The following NOTCH2 variants were observed in gnomAD, a reference collection of about 807,000 sequenced individuals.
NOTCH2 encodes notch receptor 2.
A neutral mutation model predicts 235.8 loss-of-function variants in NOTCH2; 29 were observed. The observed-to-expected ratio is 0.12, with a 90% CI of 0.09 to 0.17. The LOEUF is 0.17. NOTCH2 is among the 10% of genes least tolerant of loss of function. NOTCH2 has a pLI of 1.00. For missense variants in NOTCH2, 2,285 were observed against 3,150.2 expected (o/e 0.73, Z 6.57); for synonymous variants, 1,086 against 1,141.5 (o/e 0.95, Z 0.98).
chr1:119,947,436 T>A (rs587635380), intron 17 of NOTCH2, among the ~76,000 whole-genome samples: 1 of 152,110 alleles, frequency 6.6e-6, no homozygotes. Context: ...GCAGAGAGAA[T>A]AATACAAATT....
At position 119,912,957 on chromosome 1, in the gene NOTCH2, C is replaced by T; in HGVS notation, c.*2349G>A. On this transcript the variant is annotated 3_prime_UTR_variant, in exon 34 of 34. Transcript: ENST00000256646. Reference sequence around the variant, plus strand: ...AAGAAAAAGAAACAAGCAATTTGGTCTGACATTGTGCTTAAGGAAAAGGGA... The same window carrying T: ...AAGAAAAAGAAACAAGCAATTTGGTTTGACATTGTGCTTAAGGAAAAGGGA... The T allele has an allele frequency of 4.3e-6, 1 of 233,558 alleles. No individual in the cohort carries two copies. Among genetic ancestry groups the T allele is most frequent in the Non-Finnish European group, 8.5e-6 (1 of 118,006 alleles). 14.5% of individuals were successfully genotyped at this position (233,558 alleles called of 1,614,324 possible).
At chr1:120,000,074 C>T (rs1652687179) in intron 3 of NOTCH2, among the ~76,000 whole-genome samples, 4 of 151,806 alleles carry the variant, frequency 2.6e-5, no homozygotes, top group Admixed American at 2.0e-4. Flanking sequence ...ATTTGGTTTC[C>T]ATATATATTA....
chr1:119,923,650 G>C lies in NOTCH2; in HGVS notation c.4846C>G (p.Gln1616Glu), dbSNP rs1649362414. 2.5e-6 allele frequency: 4 copies of C among 1,614,054 alleles called. No homozygotes were observed. The highest frequency in any genetic ancestry group is 1.7e-4 in the Middle Eastern group (1 of 5,992). ...TRRSLPGEQE[Q>E]EVAGSKVFLE... The stretch of plus-strand genomic sequence containing the variant: ...CCAAACACCTACCCAGCCACCTCCT[G>C]TTCTTGTTCACCAGGAAGGGATCTG... The change falls in exon 26 of 34, where the codon CAG becomes GAG. Residue 1616 changes from glutamine to glutamate, a missense_variant. By Grantham distance (29) the Gln-to-Glu change is conservative. This residue lies in a region of NOTCH2 where 1,173 missense variants were observed against 1,515.3 expected (regional missense o/e 0.77). Transcript: ENST00000256646.
intron 20 of NOTCH2, 121 bp downstream of exon 20, chr1:119,937,736 C>T: frequency 8.9e-7 from 1 of 1,120,552 alleles, no homozygotes. Flanking sequence ...CCCCAGAGCC[C>T]TGCCCACCCA....
chr1:120,066,156 T>C (rs1460919768), intron 1 of NOTCH2, among the ~76,000 whole-genome samples: 1 of 152,210 alleles, frequency 6.6e-6, no homozygotes, highest in Non-Finnish European at 1.5e-5. Flanking sequence ...ATATTCTATA[T>C]CTCTTACGTT....
At chr1:120,036,878 AC>A (rs1430527508) in intron 1 of NOTCH2, among the ~76,000 whole-genome samples, 2 of 152,116 alleles carry the variant, frequency 1.3e-5, no homozygotes, top group African/African-American at 4.8e-5. Flanking sequence ...CTAGGCATTT[AC>A]CTAAGTTTTC....
At chr1:119,959,264 G>C (rs587766191) in intron 12 of NOTCH2, 128 bp downstream of exon 12, 5 of 699,344 alleles carry the variant, frequency 7.1e-6, no homozygotes, top group East Asian at 2.7e-5. Flanking sequence ...GAGAAGCAGA[G>C]AAACAGACTA....
intron 11 of NOTCH2, among the ~76,000 whole-genome samples, chr1:119,962,446 T>C (rs1175864999): frequency 6.6e-6 from 1 of 152,150 alleles, no homozygotes; most frequent in Non-Finnish European, 1.5e-5. Flanking sequence ...TTTTAGTGAG[T>C]TATCTAAATG....
chr1:119,966,560 T>G, intron 8 of NOTCH2, 71 bp from the exon 9 acceptor site: 2 of 1,054,548 alleles, frequency 1.9e-6, no homozygotes, highest in South Asian at 2.5e-5. Flanking sequence ...AAGCACAAAT[T>G]TGCAATGATA....
Position 120,028,826 on chromosome 1 carries a change from AT to A in NOTCH2, c.155+1079del, listed in dbSNP as rs199631935. On this transcript the variant is annotated intron_variant, in intron 2 of 33. Coordinates refer to ENST00000256646, the MANE Select transcript of NOTCH2 (RefSeq NM_024408.4). The stretch of plus-strand genomic sequence containing the variant: ...AAGAAGAGAAATTTCATATTACCAA[AT>A]TTTATTTCTCCAGCATCTTCCCTGA... Among the ~76,000 whole-genome samples the A allele has an allele frequency of 1.6e-3, 240 of 148,372 alleles. 3 individuals are homozygous for A. The East Asian group carries it at 0.033, about 21-fold the overall frequency.
In NOTCH2 at chr1:119,959,451, T is replaced by C; in HGVS notation, c.1967A>G (p.His656Arg). 1 of 1,612,440 alleles carries C rather than the reference T, an allele frequency of 6.2e-7. No individual in the cohort carries two copies. The highest frequency in any genetic ancestry group is 8.5e-7 in the Non-Finnish European group (1 of 1,178,510). ...FDDCASNPCI[H>R]GICMDGINRY... ...ATTAATGCCATCCATACAGATTCCA[T>C]GGATACAAGGGTTACTTGCACAGTC... The change falls in exon 12 of 34, where the codon CAT (histidine) becomes CGT (arginine). Residue 656 changes from histidine (H) to arginine (R), a missense_variant. Physicochemically the swap from His to Arg is conservative, Grantham distance 29 (BLOSUM62 0). Transcript: ENST00000256646.
chr1:119,916,546 A>C lies in NOTCH2; in HGVS notation c.6176T>G (p.Val2059Gly). ...VARDRMHHDIVRLLDEYNVTP... is the reference protein window; with the variant it reads ...VARDRMHHDIGRLLDEYNVTP... ...CACATTGTATTCATCCAGAAGGCGC[A>C]CAATGTCATGGTGCATGCGATCCCG... The change falls in exon 34 of 34, where the codon GTG (valine) becomes GGG (glycine). Residue 2059 changes from valine (V) to glycine (G), a missense_variant. By Grantham distance (109) the Val-to-Gly change is moderately radical. This residue lies in a region of NOTCH2 where 504 missense variants were observed against 538.0 expected (regional missense o/e 0.94). Coordinates refer to ENST00000256646, the MANE Select transcript of NOTCH2 (RefSeq NM_024408.4). The C allele has an allele frequency of 6.2e-7, 1 of 1,613,968 alleles. No homozygotes were observed. Among genetic ancestry groups the C allele is most frequent in the Non-Finnish European group, 8.5e-7 (1 of 1,179,846 alleles).
rs1034282992 is a variant in NOTCH2, at chr1:119,916,150, G to T, written c.6572C>A (p.Ala2191Asp). 1.1e-5 allele frequency: 17 copies of T among 1,614,102 alleles called. No individual in the cohort carries two copies. The highest frequency in any genetic ancestry group is 1.4e-5 in the Non-Finnish European group (17 of 1,180,044). The stretch of plus-strand genomic sequence containing the variant: ...TAGTGCATGCTGGGCATGGACTGGG[G>T]CAGGAGGGGCGGCAGTGGCCAACAT... ...NPMLATAAPP[A>D]PVHAQHALSF... The change falls in exon 34 of 34, where the codon GCC becomes GAC. Residue 2191 changes from alanine (A) to aspartate (D), a missense_variant. Transcript: ENST00000256646.
At chr1:119,983,444 T>C (rs1278436821) in intron 5 of NOTCH2, among the ~76,000 whole-genome samples, 2 of 152,178 alleles carry the variant, frequency 1.3e-5, no homozygotes, top group African/African-American at 4.8e-5. Context: ...TGAGCCACTG[T>C]GCCCGGCCAT....
In NOTCH2 at chr1:120,067,289, C is replaced by T. The variant is rs587746354; in HGVS notation, c.73+2045G>A. Among the ~76,000 whole-genome samples, 17 of 146,220 alleles carry T rather than the reference C, an allele frequency of 1.2e-4. No homozygotes were observed. The East Asian group carries it at 3.1e-3, about 27-fold the overall frequency. ...CATTAGTTTAGCATCTAAAGAACAC[C>T]TGTCTAAAAATCAAAATATCTAAAT... On this transcript the variant is annotated intron_variant, in intron 1 of 33. Coordinates refer to ENST00000256646, the MANE Select transcript of NOTCH2 (RefSeq NM_024408.4).
Position 119,937,334 on chromosome 1 carries a change from G to T in NOTCH2, c.3470C>A (p.Pro1157His). Residue 1157 changes from proline (P) to histidine (H), a missense_variant, in exon 21 of 34, where the codon CCC becomes CAC. Pro to His is a moderately conservative substitution (Grantham distance 77). This residue lies in a region of NOTCH2 where 1,173 missense variants were observed against 1,515.3 expected (regional missense o/e 0.77). Transcript: ENST00000256646. Reference sequence around the variant, plus strand: ...ACTGCATGTTGCCCCGTGCTGGCAGGGGTTGGACGCACACTCATCGAGTTG... The same window carrying T: ...ACTGCATGTTGCCCCGTGCTGGCAGTGGTTGGACGCACACTCATCGAGTTG... The part of the protein sequence containing the change: ...EEQLDECASN[P>H]CQHGATCSDF... 6.2e-7 allele frequency: 1 copy of T among 1,614,068 alleles called. No individual in the cohort carries two copies. The highest frequency in any genetic ancestry group is 8.5e-7 in the Non-Finnish European group (1 of 1,180,038).
At chr1:120,010,784 T>C (rs1424382144) in intron 2 of NOTCH2, among the ~76,000 whole-genome samples, 2 of 152,204 alleles carry the variant, frequency 1.3e-5, no homozygotes, top group African/African-American at 4.8e-5. Context: ...CCTAGGTATA[T>C]ACCCGAGATA....
intron 22 of NOTCH2, among the ~76,000 whole-genome samples, chr1:119,933,164 C>G (rs1005332153): frequency 1.3e-5 from 2 of 152,208 alleles, no homozygotes; most frequent in Admixed American, 1.3e-4. Flanking sequence ...GATCTATCAA[C>G]TGAGAGAGAA....
At position 119,966,264 on chromosome 1, in the gene NOTCH2, C is replaced by T; in HGVS notation, c.1567+112G>A. ...ACACACTCCTATCACCAAGCACTTA[C>T]TCTAATGATTTCCTCATGCACAGCC... On this transcript the variant is annotated intron_variant, in intron 9 of 33. Coordinates refer to ENST00000256646, the MANE Select transcript of NOTCH2 (RefSeq NM_024408.4). 4 of 793,464 alleles carry T rather than the reference C, an allele frequency of 5.0e-6. No individual in the cohort carries two copies. The East Asian group carries it at 7.4e-5, about 15-fold the overall frequency. 49.2% of individuals were successfully genotyped at this position (793,464 alleles called of 1,614,324 possible).
Sources: allele counts gnomAD v4.1 joint callset (sites outside exome capture counted in the v4.1 genomes callset), GRCh38; gene constraint gnomAD v4.1.1; regional missense constraint gnomAD v4.1.1; transcripts MANE v1.5; gene names NCBI Gene and HGNC (gene_info 2026-07-23, HGNC 2026-07-21).